The following ERC1 variants were observed in gnomAD, a reference collection of about 807,000 sequenced individuals.
ERC1 encodes the protein ELKS/RAB6-interacting/CAST family member 1.
A neutral mutation model predicts 132.0 loss-of-function variants in ERC1; 56 were observed. That is an observed-to-expected ratio of 0.42 (90% CI 0.34 to 0.53). ERC1 has a LOEUF of 0.53. ERC1 is among the 20% of genes least tolerant of loss of function. ERC1 has a pLI of 0.03. For synonymous variants in ERC1, 478 were observed against 476.1 expected (o/e 1.00, Z -0.05); for missense variants, 1,202 against 1,349.9 (o/e 0.89, Z 1.72).
rs866253359 is a variant in ERC1 at position 1,491,610 on chromosome 12, C to G, written c.*1380C>G. On this transcript the variant is annotated 3_prime_UTR_variant, in exon 19 of 19. Transcript: ENST00000360905. ...TTCATGAGTTTGGGGGTCTCAGTCA[C>G]CCGCTTGCCTGTAGGATTCCATTTG... 3.0e-4 allele frequency: 69 copies of G among 229,214 alleles called. No homozygotes were observed. In the Middle Eastern group the frequency reaches 6.6e-3, roughly 22 times the overall value. The allele number at this position is 229,214 out of a possible 1,614,324, so 14.2% of individuals were successfully genotyped here. A position where few individuals can be genotyped will look rare whatever the true frequency, so the allele number is the denominator to read the frequency against.
rs1945701466 is a variant in ERC1, at chr12:1,110,194, T to G, written c.1164T>G (p.Asp388Glu). The change falls in exon 5 of 19, where the codon GAT (aspartate) becomes GAG (glutamate). Residue 388 changes from aspartate to glutamate, a missense_variant and splice_region_variant. By Grantham distance (45) the Asp-to-Glu change is conservative (BLOSUM62 2). Coordinates refer to ENST00000360905, the MANE Select transcript of ERC1 (RefSeq NM_178040.4). Reference sequence around the variant, plus strand: ...ACTAAATCTTCCATTGTCTTCAGGATTCAAAAATTTCCTCTATGGAGCGTG... The same window carrying G: ...ACTAAATCTTCCATTGTCTTCAGGAGTCAAAAATTTCCTCTATGGAGCGTG... ...KALQTVIEMK[D>E]SKISSMERGL... 1 of 1,602,790 alleles carries G rather than the reference T, an allele frequency of 6.2e-7. No homozygotes were observed. Among genetic ancestry groups the G allele is most frequent in the African/African-American group, 1.3e-5 (1 of 74,248 alleles).
intron 8 of ERC1, among the ~76,000 whole-genome samples, chr12:1,171,361 T>G (rs1953046472): frequency 2.0e-5 from 3 of 150,128 alleles, no homozygotes; most frequent in African/African-American, 7.3e-5. Context: ...ACATTCTTTT[T>G]TTTTTTTTTT....
At chr12:1,249,281 T>G (rs1373200712) in intron 13 of ERC1, among the ~76,000 whole-genome samples, 1 of 152,216 alleles carries the variant, frequency 6.6e-6, no homozygotes, top group Non-Finnish European at 1.5e-5. Context: ...TGAAATTAGG[T>G]AAATTCCAGC....
intron 7 of ERC1, among the ~76,000 whole-genome samples, chr12:1,137,810 G>A (rs1020917493): frequency 6.6e-5 from 10 of 150,716 alleles, no homozygotes; most frequent in South Asian, 4.2e-4. Flanking sequence ...CCGAGATTGC[G>A]CCACTGCACT....
chr12:1,490,121 G>C lies in ERC1; in HGVS notation c.3242G>C (p.Arg1081Pro). Residue 1081 changes from arginine to proline, a missense_variant, in exon 19 of 19, where the codon CGG (arginine) becomes CCG (proline). Physicochemically the swap from Arg to Pro is moderately radical, Grantham distance 103. Transcript: ENST00000360905. The part of the protein sequence containing the change: ...QLQDELEKGE[R>P]DNAELQEFAN... ...CAGGATGAGTTAGAGAAAGGTGAACGGGACAATGCAGAACTGCAGGAGTTT... is the reference window on the plus strand; with the variant it reads ...CAGGATGAGTTAGAGAAAGGTGAACCGGACAATGCAGAACTGCAGGAGTTT... 6.2e-7 allele frequency: 1 copy of C among 1,614,080 alleles called. No individual in the cohort carries two copies. Among genetic ancestry groups the C allele is most frequent in the Non-Finnish European group, 8.5e-7 (1 of 1,179,986 alleles).
intron 13 of ERC1, among the ~76,000 whole-genome samples, chr12:1,247,396 A>G (rs1273412601): frequency 6.6e-6 from 1 of 152,228 alleles, no homozygotes; most frequent in East Asian, 1.9e-4. Context: ...AACCATAAAC[A>G]TTACAGGAGC....
intron 16 of ERC1, among the ~76,000 whole-genome samples, chr12:1,372,461 G>C (rs1402604198): frequency 6.6e-6 from 1 of 152,118 alleles, no homozygotes; most frequent in Non-Finnish European, 1.5e-5. Context: ...AACACCTTTT[G>C]TTTGTGAAAA....
intron 8 of ERC1, among the ~76,000 whole-genome samples, chr12:1,164,487 G>C (rs889090766): frequency 2.0e-5 from 3 of 149,706 alleles, no homozygotes; most frequent in Non-Finnish European, 4.4e-5. Flanking sequence ...GACTACAGGC[G>C]CCCGCCACCG....
chr12:1,372,717 G>A (rs1324954358), intron 16 of ERC1, among the ~76,000 whole-genome samples: 1 of 152,212 alleles, frequency 6.6e-6, no homozygotes, highest in South Asian at 2.1e-4. Flanking sequence ...CAGCATCCGC[G>A]TCCCAGCCTC....
intron 12 of ERC1, among the ~76,000 whole-genome samples, chr12:1,198,883 C>T (rs1956592639): frequency 6.7e-6 from 1 of 149,714 alleles, no homozygotes; most frequent in Non-Finnish European, 1.5e-5. Context: ...CCATGACAAA[C>T]CACCGTCATG....
intron 15 of ERC1, among the ~76,000 whole-genome samples, chr12:1,309,878 C>T (rs997282862): frequency 2.0e-5 from 3 of 151,304 alleles, no homozygotes; most frequent in East Asian, 3.9e-4. Flanking sequence ...TCAGTTTCCT[C>T]GTCTATAGAG....
In ERC1 at chr12:1,182,022, A is replaced by T; in HGVS notation, c.1973A>T (p.Lys658Met). 6.2e-7 allele frequency: 1 copy of T among 1,614,134 alleles called. No homozygotes were observed. The highest frequency in any genetic ancestry group is 8.5e-7 in the Non-Finnish European group (1 of 1,179,990). The stretch of plus-strand genomic sequence containing the variant: ...TACAAAAAAGATCTTAAAGACTTGA[A>T]GGAAAAAGTCAGCCTGTTGCAAGGC... ...DNYKKDLKDLKEKVSLLQGDL... is the reference protein window; with the variant it reads ...DNYKKDLKDLMEKVSLLQGDL... Residue 658 changes from lysine to methionine, a missense_variant, in exon 10 of 19, where the codon AAG becomes ATG. Coordinates refer to ENST00000360905, the MANE Select transcript of ERC1 (RefSeq NM_178040.4).
At chr12:1,351,577 G>A (rs1251124837) in intron 15 of ERC1, among the ~76,000 whole-genome samples, 1 of 152,134 alleles carries the variant, frequency 6.6e-6, no homozygotes, top group African/African-American at 2.4e-5. Flanking sequence ...CTTTTTGTAT[G>A]CTTATGTGCC....
intron 18 of ERC1, among the ~76,000 whole-genome samples, chr12:1,484,293 G>A (rs2094162777): frequency 1.3e-5 from 2 of 150,694 alleles, no homozygotes; most frequent in Non-Finnish European, 2.9e-5. Flanking sequence ...GACAGAGCGA[G>A]ACTCCGTCTC....
At chr12:1,409,766 T>A (rs968953564) in intron 17 of ERC1, among the ~76,000 whole-genome samples, 2 of 152,194 alleles carry the variant, frequency 1.3e-5, no homozygotes, top group Non-Finnish European at 2.9e-5. Context: ...TGGAGTGCAG[T>A]GGCATGATCT....
At chr12:1,437,033 G>T (rs928902021) in intron 17 of ERC1, among the ~76,000 whole-genome samples, 4 of 152,158 alleles carry the variant, frequency 2.6e-5, no homozygotes, top group African/African-American at 9.7e-5. Flanking sequence ...CACAATGAGT[G>T]ATTTGTGTGG....
intron 2 of ERC1, among the ~76,000 whole-genome samples, chr12:1,035,448 A>G (rs973915891): frequency 6.6e-6 from 1 of 152,200 alleles, no homozygotes; most frequent in Admixed American, 6.5e-5. Context: ...AGCAATTTTT[A>G]TGTCTCATCC....
Position 1,423,066 on chromosome 12 carries a change from C to A in ERC1, c.3024+14819C>A, listed in dbSNP as rs11061753. Reference sequence around the variant, plus strand: ...AGTTCCTACATAAACAAACTGAAACCCAACTCTTTGTAAACAGTCATATTC... The same window carrying A: ...AGTTCCTACATAAACAAACTGAAACACAACTCTTTGTAAACAGTCATATTC... On this transcript the variant is annotated intron_variant, in intron 17 of 18. Transcript: ENST00000360905. Among the ~76,000 whole-genome samples the A allele has an allele frequency of 7.6e-4, 116 of 152,254 alleles. 4 individuals are homozygous for A. In the East Asian group the frequency reaches 0.021, roughly 28 times the overall value.
chr12:1,330,442 G>GTATTAT (rs148204080), intron 15 of ERC1, among the ~76,000 whole-genome samples: 36 of 151,714 alleles, frequency 2.4e-4, no homozygotes, highest in Non-Finnish European at 4.0e-4. Context: ...CCCAGTTTTT[G>GTATTAT]TATTATTATT....
Sources: gnomAD v4.1 joint callset for allele counts (sites outside exome capture counted in the v4.1 genomes callset) on GRCh38, gnomAD v4.1.1 for gene constraint, MANE v1.5 for transcripts, NCBI Gene and HGNC (gene_info 2026-07-23, HGNC 2026-07-21) for gene names.